Variants in CNKSR2 observed in about 807,000 individuals in gnomAD.
The protein encoded by CNKSR2 is CNK homolog protein 2.
Under a neutral mutation model 84.4 loss-of-function variants are expected in CNKSR2, and 14 were observed. That is an observed-to-expected ratio of 0.17 (90% CI 0.11 to 0.26). The LOEUF (loss-of-function observed/expected upper bound fraction) is 0.26. CNKSR2 is among the 10% of genes least tolerant of loss of function. The pLI, the probability that CNKSR2 is intolerant of heterozygous loss-of-function variation, is 1.00. For missense variants in CNKSR2, 485 were observed against 771.2 expected, an observed-to-expected ratio of 0.63 and a Z score of 4.40; for synonymous variants, 275 against 277.9, an observed-to-expected ratio of 0.99 and a Z score of 0.10.
chrX:21,389,651 A>G (rs2090020873), intron 1 of CNKSR2, among the ~76,000 whole-genome samples: 1 of 111,961 alleles, frequency 8.9e-6, no homozygotes, highest in East Asian at 2.8e-4. Flanking sequence ...CCATCCATGG[A>G]TCTAGCAATC....
chrX:21,561,512 G>A lies in CNKSR2; in HGVS notation c.1345G>A (p.Val449Met). The stretch of plus-strand genomic sequence containing the variant: ...ATCTATGCCAGTGGAATATAATTGG[G>A]TGGGGGACTATGAAGATCCAAATAA... ...PISMPVEYNW[V>M]GDYEDPNKMK... Residue 449 changes from valine to methionine, a missense_variant, in exon 12 of 22, where the codon GTG becomes ATG. Val to Met is a conservative substitution (Grantham distance 21). Coordinates refer to ENST00000379510, the MANE Select transcript of CNKSR2 (RefSeq NM_014927.5). 8.3e-7 allele frequency: 1 copy of A among 1,207,400 alleles called. No individual in the cohort carries two copies.
intron 4 of CNKSR2, among the ~76,000 whole-genome samples, chrX:21,460,220 T>C (rs2091044823): frequency 1.8e-5 from 2 of 112,422 alleles, no homozygotes; most frequent in East Asian, 2.8e-4. Flanking sequence ...GACAATTGTA[T>C]GTAACACGTT....
At chrX:21,546,995 C>G (rs1239132423) in intron 11 of CNKSR2, among the ~76,000 whole-genome samples, 1 of 111,888 alleles carries the variant, frequency 8.9e-6, no homozygotes, top group Non-Finnish European at 1.9e-5. Flanking sequence ...TAAAGACCAT[C>G]AACACTATGA....
At chrX:21,546,802 A>T (rs2092030705) in intron 11 of CNKSR2, among the ~76,000 whole-genome samples, 1 of 112,029 alleles carries the variant, frequency 8.9e-6, no homozygotes, top group South Asian at 3.7e-4. Flanking sequence ...AGAATTTTCA[A>T]CCCAGAATTT....
At chrX:21,385,880 G>C (rs1189535184) in intron 1 of CNKSR2, among the ~76,000 whole-genome samples, 1 of 110,238 alleles carries the variant, frequency 9.1e-6, no homozygotes, top group African/African-American at 3.3e-5. Context: ...TATGCACGAT[G>C]AGTTGTTTCT....
At chrX:21,617,881 T>C (rs1036980239) in intron 20 of CNKSR2, among the ~76,000 whole-genome samples, 8 of 105,865 alleles carry the variant, frequency 7.6e-5, no homozygotes, top group Non-Finnish European at 1.4e-4. Flanking sequence ...ATATGCACAC[T>C]CACTCATACA....
intron 20 of CNKSR2, among the ~76,000 whole-genome samples, chrX:21,630,657 T>A (rs1216960478): frequency 9.1e-6 from 1 of 110,239 alleles, no homozygotes; most frequent in Non-Finnish European, 1.9e-5. Context: ...TTAATACAGG[T>A]TAAAATTTAG....
At chrX:21,567,182 A>T (rs1391083669) in intron 13 of CNKSR2, among the ~76,000 whole-genome samples, 1 of 111,560 alleles carries the variant, frequency 9.0e-6, no homozygotes, top group Non-Finnish European at 1.9e-5. Context: ...TTCTCTTATC[A>T]TCCAGTAGTT....
At chrX:21,512,466 G>A (rs896870611) in intron 8 of CNKSR2, among the ~76,000 whole-genome samples, 3 of 111,905 alleles carry the variant, frequency 2.7e-5, no homozygotes, top group African/African-American at 9.7e-5. Flanking sequence ...CCTGTTTGAG[G>A]ATTGGTTATT....
At chrX:21,480,305 A>G (rs777582708) in intron 5 of CNKSR2, among the ~76,000 whole-genome samples, 8 of 111,740 alleles carry the variant, frequency 7.2e-5, no homozygotes, top group Non-Finnish European at 1.3e-4. Context: ...TTTGGTCCCT[A>G]TTTATCCATA....
At chrX:21,644,429 G>A (rs2092700908) in intron 20 of CNKSR2, 1 of 112,027 alleles carries the variant, frequency 8.9e-6, no homozygotes, top group African/African-American at 3.2e-5. Context: ...CTTCAACATT[G>A]TCATTGCAGG....
intron 8 of CNKSR2, among the ~76,000 whole-genome samples, chrX:21,501,846 T>C (rs1481692585): frequency 9.1e-6 from 1 of 110,255 alleles, no homozygotes; most frequent in Non-Finnish European, 1.9e-5. Flanking sequence ...ATAGTATATA[T>C]TCCATGAACT....
At chrX:21,630,698 T>TACAC (rs201802047) in intron 20 of CNKSR2, among the ~76,000 whole-genome samples, 16 of 106,809 alleles carry the variant, frequency 1.5e-4, no homozygotes, top group African/African-American at 5.4e-4. Context: ...ATGTATATAA[T>TACAC]ACACACACAC....
intron 13 of CNKSR2, among the ~76,000 whole-genome samples, chrX:21,579,363 A>G (rs2092340235): frequency 9.0e-6 from 1 of 111,568 alleles, no homozygotes; most frequent in South Asian, 3.8e-4. Flanking sequence ...AAAATTCTCT[A>G]CTGGGAGTAT....
At chrX:21,530,387 C>A (rs1217544687) in intron 10 of CNKSR2, among the ~76,000 whole-genome samples, 1 of 111,042 alleles carries the variant, frequency 9.0e-6, no homozygotes, top group African/African-American at 3.3e-5. Context: ...TACATTTGGA[C>A]AAACCTAAAC....
chrX:21,384,676 G>A (rs2089944701), intron 1 of CNKSR2, among the ~76,000 whole-genome samples: 1 of 111,964 alleles, frequency 8.9e-6, no homozygotes, highest in Admixed American at 9.5e-5. Flanking sequence ...AGAATACAAT[G>A]TTTTTGTACT....
At chrX:21,396,728 C>T (rs2090126857) in intron 1 of CNKSR2, among the ~76,000 whole-genome samples, 1 of 111,797 alleles carries the variant, frequency 8.9e-6, no homozygotes, top group Admixed American at 9.5e-5. Flanking sequence ...TCTCTTGGCC[C>T]TATGCCCTCA....
chrX:21,506,353 AT>A (rs1390247222), intron 8 of CNKSR2: 1 of 111,387 alleles, frequency 9.0e-6, no homozygotes, highest in Non-Finnish European at 1.9e-5. Context: ...TGCATCAATG[AT>A]TTTAGTTACT....
At chrX:21,381,072 A>G (rs2089891699) in intron 1 of CNKSR2, among the ~76,000 whole-genome samples, 1 of 112,271 alleles carries the variant, frequency 8.9e-6, no homozygotes, top group Non-Finnish European at 1.9e-5. Flanking sequence ...ATAGGCCTGT[A>G]TTCCTCAAAA....
Sources: allele counts gnomAD v4.1 joint callset (sites outside exome capture counted in the v4.1 genomes callset), GRCh38; gene constraint gnomAD v4.1.1; transcripts MANE v1.5; gene names NCBI Gene and HGNC (gene_info 2026-07-23, HGNC 2026-07-21).